Variants in PXK observed in about 807,000 individuals in gnomAD.
The protein encoded by PXK is PX domain containing serine/threonine kinase like, also known as PX domain-containing protein kinase-like protein.
In PXK, 35 loss-of-function variants were observed where a neutral mutation model predicts 84.7. The observed-to-expected ratio is 0.41, with a 90% CI of 0.32 to 0.55. The LOEUF is 0.55. PXK is among the 20% of genes least tolerant of loss of function. The pLI is 0.21. For missense variants in PXK, 634 were observed against 699.7 expected (o/e 0.91, Z 1.06); for synonymous variants, 253 against 260.8 (o/e 0.97, Z 0.29).
chr3:58,343,392 G>A (rs923062047), intron 1 of PXK, among the ~76,000 whole-genome samples: 5 of 152,248 alleles, frequency 3.3e-5, no homozygotes, highest in Admixed American at 2.6e-4. Context: ...CTGCCATGCT[G>A]TAGGCATCTA....
At chr3:58,415,333 T>G (rs1300258027) in intron 17 of PXK, among the ~76,000 whole-genome samples, 1 of 152,236 alleles carries the variant, frequency 6.6e-6, no homozygotes, top group Non-Finnish European at 1.5e-5. Flanking sequence ...AGGATGGGAC[T>G]CCAGAACTTT....
intron 1 of PXK, among the ~76,000 whole-genome samples, chr3:58,337,312 A>G (rs1303533022): frequency 6.6e-6 from 1 of 152,194 alleles, no homozygotes; most frequent in Non-Finnish European, 1.5e-5. Context: ...TGAACTTTTG[A>G]TATTTGGAAA....
At chr3:58,395,533 C>A in intron 8 of PXK, 125 bp from the exon 9 acceptor site, 1 of 700,238 alleles carries the variant, frequency 1.4e-6, no homozygotes, top group Non-Finnish European at 2.5e-6. Flanking sequence ...TTTAAAAACT[C>A]ACATCTTGCA....
chr3:58,424,470 A>G (rs560675238), intron 17 of PXK, among the ~76,000 whole-genome samples: 1 of 152,342 alleles, frequency 6.6e-6, no homozygotes, highest in Non-Finnish European at 1.5e-5. Context: ...AGCCTCATCT[A>G]TGCAGAGAAT....
chr3:58,424,323 AG>A (rs1170486450), intron 17 of PXK, among the ~76,000 whole-genome samples: 1 of 152,208 alleles, frequency 6.6e-6, no homozygotes, highest in Non-Finnish European at 1.5e-5. Flanking sequence ...ACTGACATTC[AG>A]GAAGCCCAAC....
rs144666074 is a variant in PXK, at chr3:58,421,957, G to A, written c.1529-2795G>A. 1.3e-3 allele frequency: 1,283 copies of A among 985,390 alleles called. 22 individuals are homozygous for A. The African/African-American group carries it at 0.02, about 16-fold the overall frequency. The allele number at this position is 985,390 out of a possible 1,614,324, so 61.0% of individuals were successfully genotyped here. A position where few individuals can be genotyped will look rare whatever the true frequency, so the allele number is the denominator to read the frequency against. ...ATGTGGCCTGGAGATAAGGGTATTG[G>A]AGGTCTCTTGGCAGGAAGGCCTCAT... On this transcript the variant is annotated intron_variant, in intron 17 of 17. Transcript: ENST00000356151. The surrounding 1 kb of genome is among the most constrained non-coding windows in gnomAD (Gnocchi z 5.5).
At chr3:58,348,271 CAG>C (rs2097856528) in intron 1 of PXK, among the ~76,000 whole-genome samples, 1 of 152,202 alleles carries the variant, frequency 6.6e-6, no homozygotes, top group Non-Finnish European at 1.5e-5. Context: ...GATCTGTTGT[CAG>C]GGCCTACAGA....
intron 1 of PXK, among the ~76,000 whole-genome samples, chr3:58,358,840 C>T (rs895288822): frequency 1.3e-5 from 2 of 152,200 alleles, no homozygotes; most frequent in South Asian, 2.1e-4. Context: ...TGGGATGTCA[C>T]AGCCTGACAT....
Position 58,374,144 on chromosome 3 carries a change from A to T in PXK, c.201+4666A>T, listed in dbSNP as rs181171042. Among the ~76,000 whole-genome samples the T allele has an allele frequency of 1.9e-4, 28 of 148,478 alleles. No individual in the cohort carries two copies. In the Admixed American group the frequency reaches 1.9e-3, roughly 10 times the overall value. On this transcript the variant is annotated intron_variant, in intron 3 of 17. Transcript: ENST00000356151. ...TTTGGGCTCTAAATCCCAATTTGGGAATCATTCCCTGCTTTCCATTTTCTT... is the reference window on the plus strand; with the variant it reads ...TTTGGGCTCTAAATCCCAATTTGGGTATCATTCCCTGCTTTCCATTTTCTT...
chr3:58,395,734 A>G lies in PXK; in HGVS notation c.797A>G (p.Lys266Arg). ...KIQGLELQQIKTYGRQILEVL... is the reference protein window; with the variant it reads ...KIQGLELQQIRTYGRQILEVL... Reference sequence around the variant, plus strand: ...CAGGGCCTGGAACTCCAGCAAATAAAAACATATGGACGGCAAATATTAGAG... The same window carrying G: ...CAGGGCCTGGAACTCCAGCAAATAAGAACATATGGACGGCAAATATTAGAG... The change falls in exon 9 of 18, where the codon AAA (lysine) becomes AGA (arginine). Residue 266 changes from lysine (K) to arginine (R), a missense_variant. This residue lies in a region of PXK where 353 missense variants were observed against 385.2 expected (regional missense o/e 0.92). Coordinates refer to ENST00000356151, the MANE Select transcript of PXK (RefSeq NM_017771.5). 1 of 1,612,246 alleles carries G rather than the reference A, an allele frequency of 6.2e-7. No homozygotes were observed. Among genetic ancestry groups the G allele is most frequent in the Non-Finnish European group, 8.5e-7 (1 of 1,178,374 alleles).
At chr3:58,334,494 A>G (rs2097550831) in intron 1 of PXK, among the ~76,000 whole-genome samples, 1 of 152,220 alleles carries the variant, frequency 6.6e-6, no homozygotes, top group Non-Finnish European at 1.5e-5. Context: ...ATTGGCAAGT[A>G]AGTCTTATAA....
rs143395201 is a variant in PXK at position 58,334,928 on chromosome 3, GGTGTGT to G, written c.102+1863_102+1868del. 5.1e-4 allele frequency among the ~76,000 whole-genome samples: 67 copies of G among 130,520 alleles called. 1 individual carries two copies. Among genetic ancestry groups the G allele is most frequent in the African/African-American group, 1.6e-3 (57 of 34,584 alleles). 85.6% of individuals were successfully genotyped at this position (130,520 alleles called of 152,430 possible). A position where few individuals can be genotyped will look rare whatever the true frequency, so the allele number is the denominator to read the frequency against. ...AATAGGATTCTGTTTTTATTGTAAG[GGTGTGT>G]GTGTGTGTGTGTGTGTGTGTGTGTC... is the stretch of plus-strand genomic sequence containing the variant. On this transcript the variant is annotated intron_variant, in intron 1 of 17. Transcript: ENST00000356151.
chr3:58,424,117 T>C (rs1458915391), intron 17 of PXK, among the ~76,000 whole-genome samples: 4 of 152,232 alleles, frequency 2.6e-5, no homozygotes, highest in Non-Finnish European at 5.9e-5. Flanking sequence ...CTAACAGTTA[T>C]TAGCATTTTA....
At chr3:58,423,266 A>T (rs531570882) in intron 17 of PXK, 2 of 973,964 alleles carry the variant, frequency 2.1e-6, no homozygotes, top group African/African-American at 3.5e-5. Context: ...ACCTGGTGAC[A>T]TAAAGCCAGG....
intron 17 of PXK, chr3:58,422,718 G>A: frequency 1.0e-6 from 1 of 985,356 alleles, no homozygotes; most frequent in African/African-American, 1.7e-5. Flanking sequence ...TTTGTTCTGT[G>A]CCAAGATGGC....
rs1359680278 is a variant in PXK, at chr3:58,383,100, T to C, written c.388+400T>C. Among the ~76,000 whole-genome samples, 1 of 152,232 alleles carries C rather than the reference T, an allele frequency of 6.6e-6. No individual in the cohort carries two copies. Among genetic ancestry groups the C allele is most frequent in the African/African-American group, 2.4e-5 (1 of 41,462 alleles). ...TGAGGTCAGGAGTTTGAGTCCAGCC[T>C]GGCCAACATGGTGAAACCCTGTCTC... is the stretch of plus-strand genomic sequence containing the variant. On this transcript the variant is annotated intron_variant, in intron 4 of 17. Coordinates refer to ENST00000356151, the MANE Select transcript of PXK (RefSeq NM_017771.5). This position sits in a 1 kb window ranked among gnomAD's most constrained non-coding sequence, Gnocchi z 4.0.
At position 58,338,564 on chromosome 3, in the gene PXK, A is replaced by G. The variant is rs150514986; in HGVS notation, c.102+5474A>G. Among the ~76,000 whole-genome samples the G allele has an allele frequency of 9.6e-3, 1,464 of 152,122 alleles. 29 individuals carry two copies. The highest frequency in any genetic ancestry group is 0.034 in the African/African-American group (1,394 of 41,508). ...CTTGAACCTGTGAGGTGACGGTTGC[A>G]GTGAGCCAAGATTGTGCCATTGCAC... On this transcript the variant is annotated intron_variant, in intron 1 of 17. Coordinates refer to ENST00000356151, the MANE Select transcript of PXK (RefSeq NM_017771.5).
intron 17 of PXK, among the ~76,000 whole-genome samples, chr3:58,419,984 G>A (rs147185221): frequency 2.3e-3 from 356 of 152,352 alleles, no homozygotes; most frequent in African/African-American, 8.1e-3. Context: ...CAGTGCTTCC[G>A]CCTTGAGGAT....
chr3:58,423,089 C>CA (rs1203612762), intron 17 of PXK: 1 of 985,308 alleles, frequency 1.0e-6, no homozygotes, highest in Admixed American at 6.1e-5. Context: ...GTGTTGCAGT[C>CA]AAGAGACTCA....
Sources: gnomAD v4.1 joint callset for allele counts (sites outside exome capture counted in the v4.1 genomes callset) on GRCh38, gnomAD v4.1.1 for gene constraint, gnomAD v4.1.1 regional missense constraint, Gnocchi (gnomAD v3.1) non-coding constraint, MANE v1.5 for transcripts, NCBI Gene and HGNC (gene_info 2026-07-23, HGNC 2026-07-21) for gene names.